The following DOCK1 variants were observed in gnomAD, a reference collection of about 807,000 sequenced individuals.
DOCK1 encodes dedicator of cytokinesis protein 1.
In DOCK1, 138 loss-of-function variants were observed where a neutral mutation model predicts 262.7. The ratio of observed to expected loss-of-function variants is 0.53; its 90% CI spans 0.46 to 0.61. The LOEUF is 0.61. DOCK1 is among the 20% of genes least tolerant of loss of function. The pLI, the probability that DOCK1 is intolerant of heterozygous loss-of-function variation, is 0.00. For synonymous variants in DOCK1, 866 were observed against 867.4 expected (o/e 1.00, Z 0.03); for missense variants, 1,908 against 2,370.7 (o/e 0.80, Z 4.05).
intron 10 of DOCK1, among the ~76,000 whole-genome samples, chr10:127,007,170 T>C (rs1210048614): frequency 6.6e-6 from 1 of 152,104 alleles, no homozygotes; most frequent in African/African-American, 2.4e-5. Flanking sequence ...AACACAGCCG[T>C]GGGCTCCTGG....
At chr10:127,286,784 T>C (rs917022520) in intron 29 of DOCK1, among the ~76,000 whole-genome samples, 1 of 152,198 alleles carries the variant, frequency 6.6e-6, no homozygotes, top group Non-Finnish European at 1.5e-5. Flanking sequence ...ACTTAGTATC[T>C]AAACAAGGTA....
intron 37 of DOCK1, among the ~76,000 whole-genome samples, chr10:127,382,980 T>C (rs1375194467): frequency 2.0e-5 from 3 of 152,200 alleles, no homozygotes; most frequent in Admixed American, 1.3e-4. Context: ...ACATAATCTC[T>C]CTCCATATCT....
chr10:127,349,768 C>T (rs1022190576), intron 31 of DOCK1, among the ~76,000 whole-genome samples: 10 of 152,154 alleles, frequency 6.6e-5, no homozygotes, highest in Non-Finnish European at 1.3e-4. Flanking sequence ...CCGGTGGCTG[C>T]CCCGGTCTTT....
chr10:127,060,463 A>G (rs1366344337), intron 22 of DOCK1, among the ~76,000 whole-genome samples: 1 of 152,176 alleles, frequency 6.6e-6, no homozygotes, highest in Non-Finnish European at 1.5e-5. Flanking sequence ...ATATCAGACT[A>G]CCTCTAGGGT....
At chr10:127,275,360 C>T (rs968453458) in intron 29 of DOCK1, among the ~76,000 whole-genome samples, 1 of 152,032 alleles carries the variant, frequency 6.6e-6, no homozygotes, top group Non-Finnish European at 1.5e-5. Flanking sequence ...GGTCACTGCT[C>T]CCATGGACCA....
chr10:127,266,375 A>C (rs1229311298), intron 29 of DOCK1, among the ~76,000 whole-genome samples: 1 of 152,118 alleles, frequency 6.6e-6, no homozygotes, highest in Non-Finnish European at 1.5e-5. Context: ...GAGGTTTTGC[A>C]CAGCCAATGG....
chr10:127,012,329 A>G lies in DOCK1; in HGVS notation c.1156A>G (p.Ile386Val). ...AGENDFLQTV[I>V]NKVIAAKEVN... ...GGAGAATGACTTCCTTCAGACTGTT[A>G]TAAACAAAGTCATCGCTGCCAAAGA... is the stretch of plus-strand genomic sequence containing the variant. The change falls in exon 12 of 52, where the codon ATA becomes GTA. Residue 386 changes from isoleucine (I) to valine (V), a missense_variant. Physicochemically the swap from Ile to Val is conservative, Grantham distance 29 (BLOSUM62 3). Coordinates refer to ENST00000623213, the MANE Select transcript of DOCK1 (RefSeq NM_001290223.2). The surrounding 1 kb of genome is among the most constrained non-coding windows in gnomAD (Gnocchi z 4.0). 1 of 1,614,038 alleles carries G rather than the reference A, an allele frequency of 6.2e-7. No individual in the cohort carries two copies. The highest frequency in any genetic ancestry group is 8.5e-7 in the Non-Finnish European group (1 of 1,179,896).
intron 1 of DOCK1, among the ~76,000 whole-genome samples, chr10:126,940,155 A>G (rs2034879084): frequency 2.0e-5 from 3 of 152,310 alleles, no homozygotes; most frequent in Admixed American, 1.3e-4. Flanking sequence ...TGGATAAGAA[A>G]TTTGCCCTGT....
chr10:127,091,805 C>T (rs2136102838), intron 23 of DOCK1, among the ~76,000 whole-genome samples: 1 of 152,320 alleles, frequency 6.6e-6, no homozygotes, highest in Admixed American at 6.5e-5. Flanking sequence ...CAAAAACACA[C>T]AGACCCTGTT....
chr10:127,451,509 T>C lies in DOCK1; in HGVS notation c.*82T>C. ...CTTCTGTGTCCCCTGAGTCTGCTGT[T>C]TACCTCATTGGGCCTGTGATGTTAA... On this transcript the variant is annotated 3_prime_UTR_variant, in exon 52 of 52. Transcript: ENST00000623213. 1 of 1,542,666 alleles carries C rather than the reference T, an allele frequency of 6.5e-7. No homozygotes were observed. The highest frequency in any genetic ancestry group is 2.5e-5 in the East Asian group (1 of 40,812).
At chr10:127,102,545 A>G (rs1414399067) in intron 23 of DOCK1, among the ~76,000 whole-genome samples, 3 of 152,354 alleles carry the variant, frequency 2.0e-5, no homozygotes, top group Non-Finnish European at 2.9e-5. Flanking sequence ...AAATTAAGGT[A>G]TAGGCTGGAC....
chr10:127,407,888 T>C (rs2134362637), intron 40 of DOCK1, among the ~76,000 whole-genome samples: 1 of 152,216 alleles, frequency 6.6e-6, no homozygotes, highest in East Asian at 1.9e-4. Flanking sequence ...GCTCGCTGTC[T>C]TCTCCTTGTG....
In DOCK1 at chr10:127,052,294, G is replaced by C. The variant is rs181368557; in HGVS notation, c.2202-387G>C. ...GATCCTAACACTTTGGGAGGCCAAG[G>C]GGGGTGGATTGCCTGAGCTCAGGAG... On this transcript the variant is annotated intron_variant, in intron 21 of 51. Coordinates refer to ENST00000623213, the MANE Select transcript of DOCK1 (RefSeq NM_001290223.2). 3.6e-4 allele frequency among the ~76,000 whole-genome samples: 55 copies of C among 152,336 alleles called. 1 individual carries two copies. The East Asian group carries it at 7.7e-3, about 21-fold the overall frequency.
chr10:127,020,348 A>C (rs1368552491), intron 13 of DOCK1, among the ~76,000 whole-genome samples: 14 of 152,152 alleles, frequency 9.2e-5, no homozygotes, highest in Admixed American at 9.2e-4. Flanking sequence ...GAAACTCAGA[A>C]GCTTCCAGTT....
chr10:127,133,279 A>G (rs2050434363), intron 27 of DOCK1, among the ~76,000 whole-genome samples: 2 of 152,248 alleles, frequency 1.3e-5, no homozygotes, highest in Admixed American at 6.5e-5. Context: ...TATTTTCACA[A>G]AGATGTTATA....
chr10:126,971,175 C>T (rs1006019281), intron 2 of DOCK1, among the ~76,000 whole-genome samples: 2 of 151,862 alleles, frequency 1.3e-5, no homozygotes, highest in Admixed American at 6.6e-5. Context: ...TTTAGCCTCC[C>T]GAGTAGCTGG....
chr10:127,007,143 T>C (rs9418677), intron 10 of DOCK1, among the ~76,000 whole-genome samples: 65,698 of 151,876 alleles, frequency 0.43, 14,243 homozygotes, highest in East Asian at 0.52. Flanking sequence ...TTTGGGATTC[T>C]TTGACCTGTA....
In DOCK1 at chr10:127,042,854, G is replaced by A. The variant is rs1389841662; in HGVS notation, c.2100+140G>A. On this transcript the variant is annotated intron_variant, in intron 20 of 51. Coordinates refer to ENST00000623213, the MANE Select transcript of DOCK1 (RefSeq NM_001290223.2). Reference sequence around the variant, plus strand: ...TAAATCCAATCAGAGATGAATTGGGGTGGCAGATTTTTTTTCTCTTTTTTT... The same window carrying A: ...TAAATCCAATCAGAGATGAATTGGGATGGCAGATTTTTTTTCTCTTTTTTT... 8 of 959,180 alleles carry A rather than the reference G, an allele frequency of 8.3e-6. No homozygotes were observed. The East Asian group carries it at 1.7e-4, about 21-fold the overall frequency. 59.4% of individuals were successfully genotyped at this position (959,180 alleles called of 1,614,324 possible).
At chr10:127,279,205 T>C (rs2060854804) in intron 29 of DOCK1, among the ~76,000 whole-genome samples, 1 of 152,242 alleles carries the variant, frequency 6.6e-6, no homozygotes, top group Non-Finnish European at 1.5e-5. Flanking sequence ...TAGGTGGATT[T>C]CTCACAAATT....
Sources: allele counts gnomAD v4.1 joint callset (sites outside exome capture counted in the v4.1 genomes callset), GRCh38; gene constraint gnomAD v4.1.1; non-coding constraint Gnocchi (gnomAD v3.1); transcripts MANE v1.5; gene names NCBI Gene and HGNC (gene_info 2026-07-23, HGNC 2026-07-21).